The following PTBP3 variants were observed in gnomAD, a reference collection of about 807,000 sequenced individuals.
The protein encoded by PTBP3 is polypyrimidine tract binding protein 3.
Under a neutral mutation model 58.7 loss-of-function variants are expected in PTBP3, and 20 were observed. The ratio of observed to expected loss-of-function variants is 0.34; its 90% CI spans 0.24 to 0.50. PTBP3 has a LOEUF of 0.50. Ranked by LOEUF, PTBP3 falls within the 20% of genes least tolerant of loss-of-function variation. PTBP3 has a pLI of 0.98. For missense variants in PTBP3, 509 were observed against 637.2 expected, an observed-to-expected ratio of 0.80 and a Z score of 2.17; for synonymous variants, 185 against 219.8, an observed-to-expected ratio of 0.84 and a Z score of 1.40.
In PTBP3 at chr9:112,297,883, T is replaced by C. The variant is rs754049651; in HGVS notation, c.-18A>G. 2.2e-5 allele frequency: 35 copies of C among 1,612,268 alleles called. No homozygotes were observed. In the East Asian group the frequency reaches 7.6e-4, roughly 35 times the overall value. ...CTATTCATGGTAAAAGGTCCGTTAATGATGCCAGAAGAAAGAAGCTCATCA... is the reference window on the plus strand; with the variant it reads ...CTATTCATGGTAAAAGGTCCGTTAACGATGCCAGAAGAAAGAAGCTCATCA... On this transcript the variant is annotated 5_prime_UTR_variant, in exon 2 of 14. Transcript: ENST00000374257.
intron 2 of PTBP3, among the ~76,000 whole-genome samples, chr9:112,290,531 G>A (rs1039307558): frequency 2.6e-5 from 4 of 151,652 alleles, no homozygotes; most frequent in African/African-American, 9.7e-5. Context: ...AATTAGCCAT[G>A]TGTAGTGGCA....
chr9:112,283,082 T>C (rs1218043751), intron 2 of PTBP3, among the ~76,000 whole-genome samples: 1 of 152,248 alleles, frequency 6.6e-6, no homozygotes, highest in Non-Finnish European at 1.5e-5. Context: ...TCGCCTGCCA[T>C]GTGAAACTAT....
At chr9:112,292,945 A>T (rs774504199) in intron 2 of PTBP3, among the ~76,000 whole-genome samples, 43 of 152,216 alleles carry the variant, frequency 2.8e-4, no homozygotes, top group African/African-American at 6.5e-4. Flanking sequence ...ACACAAGCAA[A>T]CACGGTGAAA....
Position 112,222,574 on chromosome 9 carries a change from T to G in PTBP3, c.*1277A>C. On this transcript the variant is annotated 3_prime_UTR_variant, in exon 14 of 14. Coordinates refer to ENST00000374257, the MANE Select transcript of PTBP3 (RefSeq NM_001163788.4). ...AGGCCTACAGGTGTGCACTGAATTA[T>G]TCCCAAAACCATTCACCCTTCCCCA... is the stretch of plus-strand genomic sequence containing the variant. 3.0e-6 allele frequency: 3 copies of G among 985,714 alleles called. No individual in the cohort carries two copies. The highest frequency in any genetic ancestry group is 3.6e-6 in the Non-Finnish European group (3 of 829,850). 61.1% of individuals were successfully genotyped at this position (985,714 alleles called of 1,614,324 possible). A position where few individuals can be genotyped will look rare whatever the true frequency, so the allele number is the denominator to read the frequency against.
At chr9:112,228,559 T>TATTATA in intron 10 of PTBP3, 87 bp from the exon 11 acceptor site, 1 of 599,092 alleles carries the variant, frequency 1.7e-6, no homozygotes, top group Non-Finnish European at 2.4e-6. Context: ...AGAAGGCATT[T>TATTATA]CTTACTCTCC....
chr9:112,333,031 G>A, intron 1 of PTBP3: 2 of 1,273,426 alleles, frequency 1.6e-6, no homozygotes, highest in Non-Finnish European at 2.0e-6. Context: ...CACCTCGCCG[G>A]TAAACAGCAA....
In PTBP3 at chr9:112,223,802, G is replaced by A. The variant is rs368135217; in HGVS notation, c.*49C>T. On this transcript the variant is annotated 3_prime_UTR_variant, in exon 14 of 14. Transcript: ENST00000374257. ...GAGCTGCTTCAGTCTATGTCTGAAG[G>A]TTTTACTGAAATTATGGTCCAGTTT... is the stretch of plus-strand genomic sequence containing the variant. 6.2e-7 allele frequency: 1 copy of A among 1,612,316 alleles called. No individual in the cohort carries two copies. Among genetic ancestry groups the A allele is most frequent in the Non-Finnish European group, 8.5e-7 (1 of 1,179,336 alleles).
chr9:112,244,789 A>G (rs1470699049), intron 7 of PTBP3, among the ~76,000 whole-genome samples: 2 of 152,224 alleles, frequency 1.3e-5, no homozygotes, highest in Admixed American at 6.5e-5. Context: ...TTGTAAATTC[A>G]ATGTAATCCC....
intron 1 of PTBP3, among the ~76,000 whole-genome samples, chr9:112,309,754 T>G (rs188603741): frequency 2.3e-3 from 344 of 151,520 alleles, no homozygotes; most frequent in African/African-American, 7.6e-3. Context: ...TGCCACTGCA[T>G]TCCAGCCTGG....
intron 7 of PTBP3, among the ~76,000 whole-genome samples, chr9:112,248,289 C>T (rs1444673788): frequency 6.6e-6 from 1 of 151,984 alleles, no homozygotes; most frequent in Non-Finnish European, 1.5e-5. Context: ...ACCCATATAA[C>T]AAACAATGGA....
Position 112,320,316 on chromosome 9 carries a change from T to TATA in PTBP3, c.-52+13153_-52+13154insTAT, listed in dbSNP as rs61624494. 1.7e-3 allele frequency among the ~76,000 whole-genome samples: 53 copies of TATA among 31,576 alleles called. 1 individual carries two copies. Among genetic ancestry groups the TATA allele is most frequent in the African/African-American group, 5.4e-3 (44 of 8,190 alleles). The allele number at this position is 31,576 out of a possible 152,430, so 20.7% of individuals were successfully genotyped here. A position where few individuals can be genotyped will look rare whatever the true frequency, so the allele number is the denominator to read the frequency against. On this transcript the variant is annotated intron_variant, in intron 1 of 13. Transcript: ENST00000374257. ...AATATATATATATATATATATATAT[T>TATA]TTTTTTTAAGTGTTATCACCAGAAA...
chr9:112,285,049 G>A (rs79474647), intron 2 of PTBP3, among the ~76,000 whole-genome samples: 1 of 4,394 alleles, frequency 2.3e-4, no homozygotes. Context: ...GGGAGGGGCC[G>A]GGGCAGAATA....
At chr9:112,274,967 G>A (rs1214345063) in intron 3 of PTBP3, among the ~76,000 whole-genome samples, 2 of 152,090 alleles carry the variant, frequency 1.3e-5, no homozygotes, top group African/African-American at 4.8e-5. Context: ...TTGAACAATT[G>A]TCACTTCCTT....
At position 112,241,550 on chromosome 9, in the gene PTBP3, ATACT is replaced by A. The variant is rs60964143; in HGVS notation, c.803-6657_803-6654del. Reference sequence around the variant, plus strand: ...ACCCTTTCTATGTTTAGATACACAAATACTTACCATATGTTATAGCTGCCTATAG... The same window carrying A: ...ACCCTTTCTATGTTTAGATACACAAATACCATATGTTATAGCTGCCTATAG... On this transcript the variant is annotated intron_variant, in intron 7 of 13. Coordinates refer to ENST00000374257, the MANE Select transcript of PTBP3 (RefSeq NM_001163788.4). Among the ~76,000 whole-genome samples, 807 of 152,296 alleles carry A rather than the reference ATACT, an allele frequency of 5.3e-3. 5 individuals carry two copies. Among genetic ancestry groups the A allele is most frequent in the African/African-American group, 0.019 (778 of 41,562 alleles).
chr9:112,328,986 G>A (rs546660856), intron 1 of PTBP3, among the ~76,000 whole-genome samples: 1 of 152,312 alleles, frequency 6.6e-6, no homozygotes, highest in Admixed American at 6.5e-5. Context: ...AATTTGAACT[G>A]TAAGTGGCTT....
the PTBP3 span, among the ~76,000 whole-genome samples, chr9:112,355,621 CTTTT>C: frequency 2.3e-5 from 3 of 127,802 alleles, no homozygotes; most frequent in Admixed American, 8.0e-5. Flanking sequence ...AACTCTTTTT[CTTTT>C]TTTTTTTTTT....
Position 112,223,268 on chromosome 9 carries a change from G to C in PTBP3, c.*583C>G. 3.2e-6 allele frequency: 3 copies of C among 944,372 alleles called. No homozygotes were observed. The highest frequency in any genetic ancestry group is 3.8e-6 in the Non-Finnish European group (3 of 792,226). The allele number at this position is 944,372 out of a possible 1,614,324, so 58.5% of individuals were successfully genotyped here. On this transcript the variant is annotated 3_prime_UTR_variant, in exon 14 of 14. Coordinates refer to ENST00000374257, the MANE Select transcript of PTBP3 (RefSeq NM_001163788.4). ...CAGTGAAAAAAAGAAATCATTCAAAGAAAACATGCAGGTTTATAAATCTGC... is the reference window on the plus strand; with the variant it reads ...CAGTGAAAAAAAGAAATCATTCAAACAAAACATGCAGGTTTATAAATCTGC...
intron 5 of PTBP3, among the ~76,000 whole-genome samples, chr9:112,258,475 T>TAG (rs1341530889): frequency 2.0e-5 from 3 of 152,218 alleles, no homozygotes; most frequent in Middle Eastern, 3.2e-3. Context: ...GAATATCTAA[T>TAG]AGGTATTCTT....
intron 7 of PTBP3, among the ~76,000 whole-genome samples, chr9:112,243,327 G>A (rs942418887): frequency 6.6e-6 from 1 of 152,030 alleles, no homozygotes; most frequent in African/African-American, 2.4e-5. Context: ...GATCACTTGA[G>A]GTGAGGCATT....
Sources: allele counts gnomAD v4.1 joint callset (sites outside exome capture counted in the v4.1 genomes callset), GRCh38; gene constraint gnomAD v4.1.1; transcripts MANE v1.5; gene names NCBI Gene and HGNC (gene_info 2026-07-23, HGNC 2026-07-21).